ANKRD44: variants seen among roughly 807,000 people sequenced by gnomAD.
ANKRD44 encodes serine/threonine-protein phosphatase 6 regulatory ankyrin repeat subunit B.
ANKRD44 carries 35 observed loss-of-function variants against 116.0 expected under a neutral mutation model. The ratio of observed to expected loss-of-function variants is 0.30; its 90% CI spans 0.23 to 0.40. ANKRD44 has a LOEUF of 0.40. Ranked by LOEUF, ANKRD44 falls within the 10% of genes least tolerant of loss-of-function variation. The pLI is 1.00. For missense variants in ANKRD44, 1,014 were observed against 1,242.6 expected, an observed-to-expected ratio of 0.82 and a Z score of 2.77; for synonymous variants, 435 against 461.8, an observed-to-expected ratio of 0.94 and a Z score of 0.74.
At chr2:197,293,089 C>T (rs1446425967) in intron 1 of ANKRD44, among the ~76,000 whole-genome samples, 3 of 152,056 alleles carry the variant, frequency 2.0e-5, no homozygotes, top group African/African-American at 7.2e-5. Context: ...AATCTTTTTA[C>T]TAGGGTTATT....
chr2:197,089,839 T>G, intron 11 of ANKRD44, 111 bp downstream of exon 11: 2 of 817,530 alleles, frequency 2.4e-6, no homozygotes, highest in Non-Finnish European at 4.0e-6. Context: ...TCCTGACGAG[T>G]CAGGTAATGA....
At chr2:197,015,901 T>A (rs2076383055) in intron 17 of ANKRD44, 2 of 526,506 alleles carry the variant, frequency 3.8e-6, no homozygotes, top group Non-Finnish European at 7.3e-6. Context: ...GCGACAGCAA[T>A]CAAATTTTGG....
chr2:197,213,700 T>C (rs1005038821), intron 1 of ANKRD44, among the ~76,000 whole-genome samples: 1 of 152,230 alleles, frequency 6.6e-6, no homozygotes, highest in African/African-American at 2.4e-5. Flanking sequence ...GCTAAGCTCC[T>C]GTAGACTGGC....
chr2:197,198,418 G>A (rs1164577095), intron 1 of ANKRD44, among the ~76,000 whole-genome samples: 1 of 152,156 alleles, frequency 6.6e-6, no homozygotes, highest in Non-Finnish European at 1.5e-5. Context: ...TGCAATAATA[G>A]TCTGCACAAA....
At chr2:196,967,418 ATGT>A (rs2075681434) in exon 22 of ANKRD44, 2 of 469,998 alleles carry the variant, frequency 4.3e-6, no homozygotes, top group Admixed American at 2.4e-5. Context: ...CAGCCAACCG[ATGT>A]TCTTGGATCT....
intron 1 of ANKRD44, among the ~76,000 whole-genome samples, chr2:197,188,020 G>A (rs2712907): frequency 0.92 from 140,760 of 152,296 alleles, 65,066 homozygotes; most frequent in East Asian, 1. Context: ...TTTTGTGTCG[G>A]TATTTGGAAA....
chr2:197,218,916 C>T (rs1314302058), intron 1 of ANKRD44, among the ~76,000 whole-genome samples: 3 of 151,334 alleles, frequency 2.0e-5, no homozygotes, highest in East Asian at 1.9e-4. Context: ...CCCACCACCA[C>T]GCCCAGCTAA....
chr2:197,198,056 G>C (rs2081000223), intron 1 of ANKRD44: 1 of 152,196 alleles, frequency 6.6e-6, no homozygotes, highest in South Asian at 2.1e-4. Flanking sequence ...TTGAAGACTG[G>C]GGAGGATTTA....
At chr2:197,190,205 C>T (rs1411437062) in intron 1 of ANKRD44, among the ~76,000 whole-genome samples, 1 of 152,172 alleles carries the variant, frequency 6.6e-6, no homozygotes, top group Non-Finnish European at 1.5e-5. Context: ...TATCTACACT[C>T]AGGCATGCAT....
chr2:197,205,031 G>A (rs2081175747), intron 1 of ANKRD44, among the ~76,000 whole-genome samples: 1 of 152,194 alleles, frequency 6.6e-6, no homozygotes, highest in African/African-American at 2.4e-5. Flanking sequence ...TCCAGCAAAG[G>A]CTACATAACC....
intron 1 of ANKRD44, among the ~76,000 whole-genome samples, chr2:197,217,016 C>T (rs1258114803): frequency 6.6e-6 from 1 of 152,086 alleles, no homozygotes; most frequent in Non-Finnish European, 1.5e-5. Flanking sequence ...AGCTCCCAGA[C>T]AAAATCACCA....
chr2:197,188,380 GT>G (rs2080738341), intron 1 of ANKRD44, among the ~76,000 whole-genome samples: 1 of 152,216 alleles, frequency 6.6e-6, no homozygotes, highest in Non-Finnish European at 1.5e-5. Flanking sequence ...AGGTACAGGT[GT>G]GCAAAGGTGT....
At chr2:197,077,388 C>T (rs570801681) in intron 16 of ANKRD44, among the ~76,000 whole-genome samples, 33 of 152,146 alleles carry the variant, frequency 2.2e-4, no homozygotes, top group Admixed American at 3.9e-4. Context: ...CCTGTCTTAT[C>T]TCCTGTTCTA....
chr2:197,285,046 C>A (rs966179376), intron 1 of ANKRD44, among the ~76,000 whole-genome samples: 4 of 151,722 alleles, frequency 2.6e-5, no homozygotes, highest in African/African-American at 9.7e-5. Flanking sequence ...TTTTGTGGCA[C>A]TCTAGAAGGC....
intron 4 of ANKRD44, among the ~76,000 whole-genome samples, chr2:197,132,424 A>G (rs1349373606): frequency 6.6e-6 from 1 of 152,354 alleles, no homozygotes; most frequent in East Asian, 1.9e-4. Flanking sequence ...TATTTAATCA[A>G]TATTATGATC....
chr2:197,106,811 T>A (rs868567312), intron 9 of ANKRD44, among the ~76,000 whole-genome samples: 9,907 of 140,108 alleles, frequency 0.071, 1,056 homozygotes, highest in African/African-American at 0.23. Context: ...TATATATTTT[T>A]TTTTTTTTTT....
At chr2:197,306,491 C>T (rs1338190004) in intron 1 of ANKRD44, among the ~76,000 whole-genome samples, 3 of 152,212 alleles carry the variant, frequency 2.0e-5, no homozygotes, top group Admixed American at 6.5e-5. Context: ...TAGGTCTCTG[C>T]CATGAAACAC....
intron 4 of ANKRD44, 89 bp downstream of exon 4, chr2:197,136,503 G>T: frequency 8.0e-7 from 1 of 1,254,992 alleles, no homozygotes; most frequent in Non-Finnish European, 1.2e-6. Flanking sequence ...AAAGCCTTCT[G>T]CTTACCAGTA....
At chr2:197,174,888 G>C (rs148452701) in intron 2 of ANKRD44, among the ~76,000 whole-genome samples, 2 of 152,304 alleles carry the variant, frequency 1.3e-5, no homozygotes, top group East Asian at 3.9e-4. Flanking sequence ...GATCAGGGGA[G>C]GTGTCCCAGA....
Sources: allele counts gnomAD v4.1 joint callset (sites outside exome capture counted in the v4.1 genomes callset), GRCh38; gene constraint gnomAD v4.1.1; transcripts MANE v1.5; gene names NCBI Gene and HGNC (gene_info 2026-07-23, HGNC 2026-07-21).